Variants in SPIRE2 observed in about 807,000 individuals in gnomAD.
SPIRE2 encodes protein spire homolog 2.
In SPIRE2, 76 loss-of-function variants were observed where a neutral mutation model predicts 80.7. The ratio of observed to expected loss-of-function variants is 0.94; its 90% CI spans 0.78 to 1.14. The LOEUF is 1.14. SPIRE2 is among the 50% of genes most tolerant of loss of function. SPIRE2 has a pLI of 0.00. For synonymous variants in SPIRE2, 535 were observed against 432.6 expected (o/e 1.24, Z -2.94); for missense variants, 1,196 against 1,015.3 (o/e 1.18, Z -2.42).
chr16:89,833,097 T>G (rs1344981986), intron 1 of SPIRE2, among the ~76,000 whole-genome samples: 1 of 152,040 alleles, frequency 6.6e-6, no homozygotes, highest in African/African-American at 2.4e-5. Flanking sequence ...GTTCAAGTGA[T>G]TCTCCTGCCT....
intron 1 of SPIRE2, among the ~76,000 whole-genome samples, chr16:89,836,017 A>G (rs2041445372): frequency 6.6e-6 from 1 of 152,142 alleles, no homozygotes; most frequent in Admixed American, 6.6e-5. Context: ...TCTACTAAAA[A>G]TACAAAAATT....
intron 2 of SPIRE2, chr16:89,849,941 G>T (rs973764937): frequency 8.0e-6 from 3 of 374,242 alleles, no homozygotes; most frequent in Non-Finnish European, 1.6e-5. Context: ...AGGTTCAAGC[G>T]ATTCTCCTGC....
intron 5 of SPIRE2, among the ~76,000 whole-genome samples, chr16:89,855,231 C>G (rs1355887038): frequency 6.6e-6 from 1 of 152,180 alleles, no homozygotes; most frequent in East Asian, 1.9e-4. Context: ...AGCCACCTGC[C>G]TGGCCTGGCT....
chr16:89,831,118 C>G (rs2041376565), intron 1 of SPIRE2, among the ~76,000 whole-genome samples: 1 of 150,446 alleles, frequency 6.6e-6, no homozygotes, highest in African/African-American at 2.4e-5. Flanking sequence ...ACCGTGTTAG[C>G]CAGGATGGTC....
chr16:89,849,190 C>T (rs2041596428), intron 2 of SPIRE2, among the ~76,000 whole-genome samples: 2 of 152,208 alleles, frequency 1.3e-5, no homozygotes, highest in East Asian at 1.9e-4. Context: ...TGAGGCAAAG[C>T]GGCCCCAGGA....
chr16:89,858,465 G>A lies in SPIRE2; in HGVS notation c.1230G>A (p.Lys410=). Residue 410 remains lysine, a synonymous_variant, in exon 8 of 15, where the codon AAG becomes AAA. Coordinates refer to ENST00000378247, the MANE Select transcript of SPIRE2 (RefSeq NM_032451.2). ...AQRPRPRVLL[K]APTLAEMEEM... ...GCCCGCGGCCCCGCGTGCTGCTCAAGGCGCCTACCTTGGCTGAAATGGAAG... is the reference window on the plus strand; with the variant it reads ...GCCCGCGGCCCCGCGTGCTGCTCAAAGCGCCTACCTTGGCTGAAATGGAAG... The A allele has an allele frequency of 6.2e-7, 1 of 1,608,142 alleles. No individual in the cohort carries two copies. The highest frequency in any genetic ancestry group is 8.5e-7 in the Non-Finnish European group (1 of 1,178,108).
intron 1 of SPIRE2, among the ~76,000 whole-genome samples, chr16:89,836,925 G>T (rs1482869383): frequency 2.0e-5 from 3 of 152,168 alleles, no homozygotes; most frequent in Non-Finnish European, 2.9e-5. Context: ...AACCTGGGAG[G>T]CGGAGGTTGT....
chr16:89,835,706 G>A (rs2041441806), intron 1 of SPIRE2, among the ~76,000 whole-genome samples: 1 of 152,168 alleles, frequency 6.6e-6, no homozygotes, highest in South Asian at 2.1e-4. Flanking sequence ...AGGCGGGCTG[G>A]AAACACACCT....
At chr16:89,836,272 C>A in intron 1 of SPIRE2, 1 of 455,990 alleles carries the variant, frequency 2.2e-6, no homozygotes, top group Non-Finnish European at 4.4e-6. Flanking sequence ...CCTGGACCCT[C>A]AACTGCCACT....
At chr16:89,860,915 G>A in intron 10 of SPIRE2, 120 bp downstream of exon 10, 1 of 617,686 alleles carries the variant, frequency 1.6e-6, no homozygotes, top group Non-Finnish European at 2.6e-6. Flanking sequence ...TGTGGCCTGA[G>A]CGTCCGTCTG....
At position 89,859,310 on chromosome 16, in the gene SPIRE2, G is replaced by A. The variant is rs558699748; in HGVS notation, c.1418G>A (p.Arg473Gln). The change falls in exon 9 of 15, where the codon CGA (arginine) becomes CAA (glutamine). Residue 473 changes from arginine (R) to glutamine (Q), a missense_variant. Physicochemically the swap from Arg to Gln is conservative, Grantham distance 43. Transcript: ENST00000378247. The stretch of plus-strand genomic sequence containing the variant: ...GGAGGGACGGAGCCACCACGGCCCC[G>A]AGCTGGCAGTGCGCATGTGTGGAGG... ...PPGGTEPPRPRAGSAHVWRPG... is the reference protein window; with the variant it reads ...PPGGTEPPRPQAGSAHVWRPG... 1.8e-5 allele frequency: 28 copies of A among 1,595,480 alleles called. No homozygotes were observed. The highest frequency in any genetic ancestry group is 1.5e-4 in the African/African-American group (11 of 74,596).
At chr16:89,832,243 C>T (rs1414605120) in intron 1 of SPIRE2, among the ~76,000 whole-genome samples, 1 of 152,248 alleles carries the variant, frequency 6.6e-6, no homozygotes, top group African/African-American at 2.4e-5. Context: ...CCGAGGAGCA[C>T]CGTGGCCTCG....
Position 89,854,561 on chromosome 16 carries a change from C to G in SPIRE2, c.801C>G (p.Phe267Leu). ...TGAAGAAGGTGCAAGAGCAGGAGTTCAACCCCCTCCCCACCGAGTTCCAGC... is the reference window on the plus strand; with the variant it reads ...TGAAGAAGGTGCAAGAGCAGGAGTTGAACCCCCTCCCCACCGAGTTCCAGC... ...VKLKKVQEQE[F>L]NPLPTEFQLT... The change falls in exon 5 of 15, where the codon TTC becomes TTG. Residue 267 changes from phenylalanine to leucine, a missense_variant. Phe to Leu is a conservative substitution (Grantham distance 22, BLOSUM62 0). Coordinates refer to ENST00000378247, the MANE Select transcript of SPIRE2 (RefSeq NM_032451.2). 1 of 1,612,542 alleles carries G rather than the reference C, an allele frequency of 6.2e-7. No individual in the cohort carries two copies. Among genetic ancestry groups the G allele is most frequent in the Non-Finnish European group, 8.5e-7 (1 of 1,179,856 alleles).
chr16:89,848,022 C>T (rs962557995), intron 2 of SPIRE2, among the ~76,000 whole-genome samples: 1 of 152,196 alleles, frequency 6.6e-6, no homozygotes, highest in African/African-American at 2.4e-5. Context: ...CGGAGCCACG[C>T]GACCAGGGAC....
At chr16:89,835,866 G>A (rs1227439532) in intron 1 of SPIRE2, among the ~76,000 whole-genome samples, 4 of 152,078 alleles carry the variant, frequency 2.6e-5, no homozygotes, top group Admixed American at 6.6e-5. Flanking sequence ...GGAGGAGTGC[G>A]TGGGAGTAGT....
At chr16:89,839,426 G>A (rs1025252727) in intron 1 of SPIRE2, among the ~76,000 whole-genome samples, 1 of 151,584 alleles carries the variant, frequency 6.6e-6, no homozygotes, top group Non-Finnish European at 1.5e-5. Flanking sequence ...CCGGGTGCCT[G>A]TGCCTTCCAG....
rs1464939469 is a variant in SPIRE2 at position 89,860,812 on chromosome 16, T to C, written c.1575+17T>C. On this transcript the variant is annotated intron_variant, in intron 10 of 14. Transcript: ENST00000378247. ...CTGTGGCTGGTGAGTGAGGGTGCGA[T>C]TGTCGTCCAGGGCGGCCCAGGGGGC... 8 of 1,449,486 alleles carry C rather than the reference T, an allele frequency of 5.5e-6. No homozygotes were observed. The highest frequency in any genetic ancestry group is 7.3e-6 in the Non-Finnish European group (8 of 1,094,896). The allele number at this position is 1,449,486 out of a possible 1,614,324, so 89.8% of individuals were successfully genotyped here.
intron 2 of SPIRE2, among the ~76,000 whole-genome samples, chr16:89,849,565 C>T (rs2041601391): frequency 6.6e-6 from 1 of 152,156 alleles, no homozygotes; most frequent in Admixed American, 6.5e-5. Flanking sequence ...TGTAATTGTC[C>T]ATCGACCTCC....
At chr16:89,859,070 C>T (rs1357113329) in intron 8 of SPIRE2, 95 bp from the exon 9 acceptor site, 5 of 1,202,486 alleles carry the variant, frequency 4.2e-6, no homozygotes, top group East Asian at 2.7e-5. Flanking sequence ...GCAGCAGACC[C>T]TGCGGCACCC....
Sources: gnomAD v4.1 joint callset for allele counts (sites outside exome capture counted in the v4.1 genomes callset) on GRCh38, gnomAD v4.1.1 for gene constraint, MANE v1.5 for transcripts, NCBI Gene and HGNC (gene_info 2026-07-23, HGNC 2026-07-21) for gene names.